ARHGAP20: variants seen among roughly 807,000 people sequenced by gnomAD.
ARHGAP20 encodes rho GTPase-activating protein 20.
Under a neutral mutation model 73.7 loss-of-function variants are expected in ARHGAP20, and 34 were observed. The observed-to-expected ratio is 0.46, with a 90% CI of 0.35 to 0.61. The LOEUF is 0.61. Ranked by LOEUF, ARHGAP20 falls within the 20% of genes least tolerant of loss-of-function variation. The pLI is 0.00. For missense variants in ARHGAP20, 1,314 were observed against 1,420.9 expected (o/e 0.92, Z 1.21); for synonymous variants, 523 against 518.2 (o/e 1.01, Z -0.13).
rs1031332173 is a variant in ARHGAP20 at position 110,594,834 on chromosome 11, A to C, written c.965-2679T>G. On this transcript the variant is annotated intron_variant, in intron 9 of 14. Coordinates refer to ENST00000683387, the MANE Select transcript of ARHGAP20 (RefSeq NM_001384657.1). ...TACCAAAGCCTGGCAGAGACACAAC[A>C]AAAAAAAAAAGAGCATTTTAGACCA... 1.3e-4 allele frequency among the ~76,000 whole-genome samples: 9 copies of C among 69,388 alleles called. No homozygotes were observed. The African/African-American group carries it at 1.4e-3, about 11-fold the overall frequency. The allele number at this position is 69,388 out of a possible 152,430, so 45.5% of individuals were successfully genotyped here.
At chr11:110,653,231 T>A (rs1015480912) in intron 2 of ARHGAP20, among the ~76,000 whole-genome samples, 10 of 152,100 alleles carry the variant, frequency 6.6e-5, no homozygotes, top group African/African-American at 1.2e-4. Flanking sequence ...TGGGGTCTAA[T>A]TAAACTAAAG....
chr11:110,664,163 A>C (rs1388989953), intron 2 of ARHGAP20, among the ~76,000 whole-genome samples: 1 of 152,134 alleles, frequency 6.6e-6, no homozygotes, highest in East Asian at 1.9e-4. Flanking sequence ...TCAACATTTA[A>C]CTGCAGATTT....
chr11:110,595,158 C>A (rs1447623393), intron 9 of ARHGAP20, among the ~76,000 whole-genome samples: 3 of 151,768 alleles, frequency 2.0e-5, no homozygotes, highest in Non-Finnish European at 4.4e-5. Flanking sequence ...ATAATAAGAG[C>A]TATCTATGAC....
intron 1 of ARHGAP20, among the ~76,000 whole-genome samples, chr11:110,705,780 C>T (rs1728927207): frequency 6.6e-6 from 1 of 152,202 alleles, no homozygotes; most frequent in Admixed American, 6.5e-5. Flanking sequence ...GTGGAATCAT[C>T]TGAGGCTTAG....
intron 1 of ARHGAP20, 43 bp downstream of exon 1, chr11:110,712,084 G>A (rs751436092): frequency 1.9e-5 from 24 of 1,263,142 alleles, no homozygotes; most frequent in Non-Finnish European, 2.0e-5. Context: ...GGCAGTGGGG[G>A]CTGCGGCGGC....
chr11:110,589,848 C>T (rs1157013104), intron 11 of ARHGAP20, among the ~76,000 whole-genome samples: 3 of 152,266 alleles, frequency 2.0e-5, no homozygotes, highest in Admixed American at 6.5e-5. Flanking sequence ...AGGCTGGGTG[C>T]GGTGGCTCAC....
At chr11:110,650,068 G>A (rs2135011245) in intron 2 of ARHGAP20, among the ~76,000 whole-genome samples, 1 of 152,082 alleles carries the variant, frequency 6.6e-6, no homozygotes, top group Admixed American at 6.6e-5. Flanking sequence ...ACTCATAATG[G>A]GTGTTATAAT....
chr11:110,595,617 C>T (rs2134841296), intron 9 of ARHGAP20, among the ~76,000 whole-genome samples: 1 of 152,286 alleles, frequency 6.6e-6, no homozygotes, highest in East Asian at 1.9e-4. Context: ...AGGAGAACTA[C>T]AAACCACTGC....
At chr11:110,641,446 A>C (rs147682842) in intron 2 of ARHGAP20, among the ~76,000 whole-genome samples, 10 of 152,194 alleles carry the variant, frequency 6.6e-5, no homozygotes, top group African/African-American at 2.4e-4. Flanking sequence ...AAGGAAAGGA[A>C]CAAGATTTTA....
At chr11:110,604,526 C>T (rs1327482164) in intron 9 of ARHGAP20, among the ~76,000 whole-genome samples, 2 of 152,180 alleles carry the variant, frequency 1.3e-5, no homozygotes, top group South Asian at 4.2e-4. Flanking sequence ...TTTTGAAAAA[C>T]ACAGGTGCAA....
At chr11:110,629,760 T>C (rs1225264268) in intron 3 of ARHGAP20, among the ~76,000 whole-genome samples, 1 of 152,224 alleles carries the variant, frequency 6.6e-6, no homozygotes, top group Non-Finnish European at 1.5e-5. Context: ...ACTGAGTAAC[T>C]AAGGCTAACA....
At chr11:110,683,735 T>C (rs751566596) in intron 2 of ARHGAP20, among the ~76,000 whole-genome samples, 11 of 152,152 alleles carry the variant, frequency 7.2e-5, no homozygotes, top group Non-Finnish European at 1.6e-4. Context: ...ATGACTCCTA[T>C]TTCACAGATG....
chr11:110,585,025 G>GTGAATATATGTGAATATATATGAATATA (rs1947611121), intron 12 of ARHGAP20, among the ~76,000 whole-genome samples: 5 of 138,804 alleles, frequency 3.6e-5, no homozygotes, highest in Non-Finnish European at 8.0e-5. Context: ...GAACATATAT[G>GTGAATATATGTGAATATATATGAATATA]TGAATATATG....
At chr11:110,626,286 G>A (rs765956748) in intron 3 of ARHGAP20, among the ~76,000 whole-genome samples, 1 of 152,038 alleles carries the variant, frequency 6.6e-6, no homozygotes, top group Non-Finnish European at 1.5e-5. Flanking sequence ...ATCCACATCC[G>A]TTGACCTGGA....
At chr11:110,605,599 A>C (rs1948206540) in intron 9 of ARHGAP20, among the ~76,000 whole-genome samples, 1 of 152,236 alleles carries the variant, frequency 6.6e-6, no homozygotes, top group African/African-American at 2.4e-5. Flanking sequence ...TTCTTAAAGT[A>C]CAGTTGTTCT....
At position 110,622,892 on chromosome 11, in the gene ARHGAP20, A is replaced by G. The variant is rs182664087; in HGVS notation, c.503+1270T>C. Among the ~76,000 whole-genome samples, 51 of 152,276 alleles carry G rather than the reference A, an allele frequency of 3.3e-4. No homozygotes were observed. In the East Asian group the frequency reaches 9.4e-3, roughly 28 times the overall value. ...ATTTGGTTAAAGAACCATAGTTTAA[A>G]TAATATAATATAGGTAAAACTTCTT... On this transcript the variant is annotated intron_variant, in intron 4 of 14. Transcript: ENST00000683387.
chr11:110,682,810 A>T (rs779708913), intron 2 of ARHGAP20, among the ~76,000 whole-genome samples: 164 of 152,148 alleles, frequency 1.1e-3, no homozygotes, highest in Non-Finnish European at 1.7e-3. Context: ...TTTGTGTTCT[A>T]TGATGTAAGC....
At chr11:110,665,545 T>C (rs1199140581) in intron 2 of ARHGAP20, among the ~76,000 whole-genome samples, 1 of 152,006 alleles carries the variant, frequency 6.6e-6, no homozygotes, top group Non-Finnish European at 1.5e-5. Flanking sequence ...TAGACAGAGA[T>C]TCTATTGCAC....
intron 2 of ARHGAP20, among the ~76,000 whole-genome samples, chr11:110,653,579 C>T (rs1262795545): frequency 6.6e-6 from 1 of 152,162 alleles, no homozygotes; most frequent in East Asian, 1.9e-4. Context: ...ACAATACATG[C>T]TGGTGAGGTT....
Sources: allele counts gnomAD v4.1 joint callset (sites outside exome capture counted in the v4.1 genomes callset), GRCh38; gene constraint gnomAD v4.1.1; transcripts MANE v1.5; gene names NCBI Gene and HGNC (gene_info 2026-07-23, HGNC 2026-07-21).